JAKMIP2: variants seen among roughly 807,000 people sequenced by gnomAD.
JAKMIP2 encodes janus kinase and microtubule-interacting protein 2.
Under a neutral mutation model 115.0 loss-of-function variants are expected in JAKMIP2, and 25 were observed. That is an observed-to-expected ratio of 0.22 (90% CI 0.16 to 0.30). JAKMIP2 has a LOEUF of 0.30. Among genes scored for constraint, JAKMIP2 ranks in the 10% least tolerant of loss-of-function variants. JAKMIP2 has a pLI of 1.00. For synonymous variants in JAKMIP2, 334 were observed against 343.6 expected, an observed-to-expected ratio of 0.97 and a Z score of 0.31; for missense variants, 642 against 957.6, an observed-to-expected ratio of 0.67 and a Z score of 4.35.
At chr5:147,632,578 G>T (rs1581324162) in intron 13 of JAKMIP2, 102 bp downstream of exon 13, 1 of 760,436 alleles carries the variant, frequency 1.3e-6, no homozygotes, top group Non-Finnish European at 2.2e-6. Context: ...CCAAATGAGA[G>T]TATGAATCTG....
At chr5:147,702,660 GAAAGAGAGAGAA>G (rs1428290649) in intron 1 of JAKMIP2, among the ~76,000 whole-genome samples, 2,219 of 109,876 alleles carry the variant, frequency 0.02, 71 homozygotes, top group East Asian at 0.069. Flanking sequence ...AAGAAAGAAA[GAAAGAGAGAGAA>G]AGAAAGAGAA....
At chr5:147,694,028 A>C (rs1276326377) in intron 1 of JAKMIP2, among the ~76,000 whole-genome samples, 1 of 152,164 alleles carries the variant, frequency 6.6e-6, no homozygotes. Context: ...CTTAGTCTGC[A>C]GCTGGGCTAC....
At chr5:147,675,466 T>C (rs1385042169) in intron 1 of JAKMIP2, among the ~76,000 whole-genome samples, 2 of 151,548 alleles carry the variant, frequency 1.3e-5, no homozygotes, top group Non-Finnish European at 2.9e-5. Flanking sequence ...TTTGTCTCCT[T>C]GTGCTGCTTT....
At chr5:147,754,431 T>C (rs999168416) in intron 1 of JAKMIP2, among the ~76,000 whole-genome samples, 1 of 152,040 alleles carries the variant, frequency 6.6e-6, no homozygotes, top group Admixed American at 6.5e-5. Flanking sequence ...CATGCTATAA[T>C]AGAAGGATTA....
chr5:147,637,867 T>G (rs1293604932), intron 10 of JAKMIP2, among the ~76,000 whole-genome samples: 1 of 152,196 alleles, frequency 6.6e-6, no homozygotes, highest in Non-Finnish European at 1.5e-5. Context: ...TTGTCCTATG[T>G]GATTTAGCTT....
Position 147,628,843 on chromosome 5 carries a change from C to A in JAKMIP2, c.1930-27G>T, listed in dbSNP as rs749031592. 3.2e-6 allele frequency: 5 copies of A among 1,538,764 alleles called. No homozygotes were observed. The African/African-American group carries it at 5.5e-5, about 17-fold the overall frequency. On this transcript the variant is annotated intron_variant, in intron 15 of 21. Transcript: ENST00000616793. ...TGTAAAAAATAAGAAAGGCCGTCAG[C>A]TGAACATACTGACATTATTTACCCC...
intron 1 of JAKMIP2, among the ~76,000 whole-genome samples, chr5:147,676,113 C>T (rs1307355209): frequency 6.6e-6 from 1 of 152,146 alleles, no homozygotes; most frequent in Admixed American, 6.5e-5. Context: ...GTGGGCGGAT[C>T]ACGAGGTCAG....
chr5:147,660,442 T>C (rs1465966166), intron 3 of JAKMIP2: 1 of 453,032 alleles, frequency 2.2e-6, no homozygotes, highest in Non-Finnish European at 4.4e-6. Flanking sequence ...TCATTTTGTA[T>C]CTTTTTTCAG....
chr5:147,744,743 C>T (rs966875851), intron 1 of JAKMIP2, among the ~76,000 whole-genome samples: 1 of 151,924 alleles, frequency 6.6e-6, no homozygotes, highest in African/African-American at 2.4e-5. Flanking sequence ...TGTGAGTGTA[C>T]CCAGATCCTT....
chr5:147,640,239 G>A (rs763696083), intron 9 of JAKMIP2, among the ~76,000 whole-genome samples: 11 of 152,054 alleles, frequency 7.2e-5, no homozygotes, highest in Non-Finnish European at 1.6e-4. Flanking sequence ...GGGAATTTTG[G>A]GAAACAATGC....
At chr5:147,698,887 T>C (rs938070951) in intron 1 of JAKMIP2, among the ~76,000 whole-genome samples, 8 of 152,184 alleles carry the variant, frequency 5.3e-5, no homozygotes, top group Non-Finnish European at 1.0e-4. Context: ...AAAAATAATC[T>C]GGATTTTCAC....
At chr5:147,723,661 CAT>C (rs1007134971) in intron 1 of JAKMIP2, among the ~76,000 whole-genome samples, 2 of 152,150 alleles carry the variant, frequency 1.3e-5, no homozygotes, top group African/African-American at 4.8e-5. Flanking sequence ...TGTCTTTCGA[CAT>C]AGTTATTTTT....
At chr5:147,705,273 C>T (rs945881190) in intron 1 of JAKMIP2, among the ~76,000 whole-genome samples, 1 of 152,018 alleles carries the variant, frequency 6.6e-6, no homozygotes, top group Admixed American at 6.6e-5. Context: ...ATTCCAGGAA[C>T]CCCTTCACTC....
At chr5:147,702,628 GA>G (rs1752399820) in intron 1 of JAKMIP2, among the ~76,000 whole-genome samples, 4 of 117,118 alleles carry the variant, frequency 3.4e-5, no homozygotes, top group Non-Finnish European at 6.8e-5. Context: ...AAGAAAGAAA[GA>G]AAGAAAGAAA....
chr5:147,601,819 AG>A lies in JAKMIP2; in HGVS notation c.2413-9del. 1 of 1,184,912 alleles carries A rather than the reference AG, an allele frequency of 8.4e-7. No homozygotes were observed. Among genetic ancestry groups the A allele is most frequent in the African/African-American group, 1.5e-5 (1 of 65,070 alleles). 73.4% of individuals were successfully genotyped at this position (1,184,912 alleles called of 1,614,324 possible). A position where few individuals can be genotyped will look rare whatever the true frequency, so the allele number is the denominator to read the frequency against. ...CAAGAATAGAAACAGAAACTGCAGAAGAAAAAGAAGAAGATTATGTAAATCT... is the reference window on the plus strand; with the variant it reads ...CAAGAATAGAAACAGAAACTGCAGAAAAAAAGAAGAAGATTATGTAAATCT... On this transcript the variant is annotated splice_polypyrimidine_tract_variant and intron_variant, in intron 20 of 21. Transcript: ENST00000616793.
At position 147,590,156 on chromosome 5, in the gene JAKMIP2, C is replaced by G. The variant is rs1755043252; in HGVS notation, c.*1551G>C. On this transcript the variant is annotated 3_prime_UTR_variant, in exon 22 of 22. Coordinates refer to ENST00000616793, the MANE Select transcript of JAKMIP2 (RefSeq NM_001270941.2). The stretch of plus-strand genomic sequence containing the variant: ...GGCTTTGCAAATGCCAGTGCTAAAA[C>G]TGAAGGATGATAGTGAACCCACATA... 6.6e-6 allele frequency: 1 copy of G among 152,102 alleles called. No homozygotes were observed. The highest frequency in any genetic ancestry group is 2.4e-5 in the African/African-American group (1 of 41,400). The allele number at this position is 152,102 out of a possible 1,614,324, so 9.4% of individuals were successfully genotyped here. A position where few individuals can be genotyped will look rare whatever the true frequency, so the allele number is the denominator to read the frequency against.
At chr5:147,672,857 T>C (rs927146499) in intron 1 of JAKMIP2, among the ~76,000 whole-genome samples, 1 of 152,108 alleles carries the variant, frequency 6.6e-6, no homozygotes, top group Non-Finnish European at 1.5e-5. Context: ...TGGGAAGAAA[T>C]AGGGCCTGAT....
At chr5:147,601,546 A>T (rs1354295096) in intron 21 of JAKMIP2, among the ~76,000 whole-genome samples, 195 bp downstream of exon 21, 2 of 152,128 alleles carry the variant, frequency 1.3e-5, no homozygotes, top group Non-Finnish European at 2.9e-5. Flanking sequence ...GCTGCCAGTG[A>T]ATGATCTGAT....
intron 1 of JAKMIP2, among the ~76,000 whole-genome samples, chr5:147,713,689 C>T (rs1752864844): frequency 6.6e-6 from 1 of 152,178 alleles, no homozygotes; most frequent in Admixed American, 6.5e-5. Flanking sequence ...CAGCCAAGAA[C>T]ATAGAGCACT....
Sources: gnomAD v4.1 joint callset for allele counts (sites outside exome capture counted in the v4.1 genomes callset) on GRCh38, gnomAD v4.1.1 for gene constraint, MANE v1.5 for transcripts, NCBI Gene and HGNC (gene_info 2026-07-23, HGNC 2026-07-21) for gene names.